VPS13B: variants seen among roughly 807,000 people sequenced by gnomAD.
The protein encoded by VPS13B is intermembrane lipid transfer protein VPS13B.
A neutral mutation model predicts 426.4 loss-of-function variants in VPS13B; 285 were observed. The observed-to-expected ratio is 0.67, with a 90% CI of 0.61 to 0.74. The LOEUF is 0.74. Among genes scored for constraint, VPS13B ranks in the 30% least tolerant of loss-of-function variants. The probability of loss-of-function intolerance (pLI) is 0.00; values close to 1 mark genes in which losing one functional copy is unlikely to be tolerated. For synonymous variants in VPS13B, 1,676 were observed against 1,676.4 expected, an observed-to-expected ratio of 1.00 and a Z score of 0.01; for missense variants, 4,537 against 4,782.6, an observed-to-expected ratio of 0.95 and a Z score of 1.51.
At chr8:99,255,390 C>CT (rs1332488485) in intron 17 of VPS13B, among the ~76,000 whole-genome samples, 1 of 152,090 alleles carries the variant, frequency 6.6e-6, no homozygotes, top group Admixed American at 6.5e-5. Flanking sequence ...CATCTATTAT[C>CT]TTTTTTCATT....
intron 3 of VPS13B, among the ~76,000 whole-genome samples, chr8:99,074,438 G>T (rs1845009505): frequency 6.6e-6 from 1 of 150,874 alleles, no homozygotes; most frequent in Admixed American, 6.6e-5. Context: ...AAACCGGGAG[G>T]CAGAGCTTGC....
intron 39 of VPS13B, among the ~76,000 whole-genome samples, chr8:99,738,546 C>T (rs978238008): frequency 5.9e-5 from 9 of 152,156 alleles, no homozygotes; most frequent in Non-Finnish European, 1.2e-4. Flanking sequence ...TTTTAGTAAT[C>T]GTGTATTCAG....
intron 21 of VPS13B, among the ~76,000 whole-genome samples, chr8:99,418,770 T>A (rs1816215957): frequency 1.3e-5 from 2 of 152,136 alleles, no homozygotes; most frequent in African/African-American, 4.8e-5. Context: ...TGACGAAATG[T>A]GATAGTGTGT....
At chr8:99,391,353 C>CTG (rs111372608) in intron 20 of VPS13B, among the ~76,000 whole-genome samples, 213 of 141,252 alleles carry the variant, frequency 1.5e-3, no homozygotes, top group African/African-American at 5.1e-3. Flanking sequence ...GTGTCTGTGT[C>CTG]TGTGTGTGTG....
intron 3 of VPS13B, among the ~76,000 whole-genome samples, chr8:99,046,139 A>C (rs780676725): frequency 6.6e-6 from 1 of 152,124 alleles, no homozygotes; most frequent in Non-Finnish European, 1.5e-5. Flanking sequence ...TTTTGGCAGT[A>C]TGGTCATTTT....
At chr8:99,467,378 G>C (rs1375856931) in intron 23 of VPS13B, 36 bp from the exon 24 acceptor site, 1 of 1,582,390 alleles carries the variant, frequency 6.3e-7, no homozygotes, top group Non-Finnish European at 8.7e-7. Flanking sequence ...CTTTTTGTTT[G>C]TGTGCTTCCC....
chr8:99,829,945 A>G (rs1814949966), intron 51 of VPS13B, among the ~76,000 whole-genome samples: 1 of 152,088 alleles, frequency 6.6e-6, no homozygotes, highest in South Asian at 2.1e-4. Flanking sequence ...AACAGCAAAG[A>G]TTGCTGCCTG....
intron 33 of VPS13B, among the ~76,000 whole-genome samples, chr8:99,590,342 C>A (rs559461431): frequency 6.6e-6 from 1 of 152,190 alleles, no homozygotes; most frequent in Non-Finnish European, 1.5e-5. Flanking sequence ...TCTTTCAGTT[C>A]TGCTCTGATC....
At chr8:99,405,632 A>T (rs929876682) in intron 21 of VPS13B, among the ~76,000 whole-genome samples, 2 of 152,056 alleles carry the variant, frequency 1.3e-5, no homozygotes, top group African/African-American at 4.8e-5. Context: ...GTTGCTTCCT[A>T]TTGCACTTAA....
At chr8:99,076,247 A>T (rs1845115052) in intron 3 of VPS13B, among the ~76,000 whole-genome samples, 1 of 152,142 alleles carries the variant, frequency 6.6e-6, no homozygotes, top group Non-Finnish European at 1.5e-5. Flanking sequence ...ATTTTTAAAA[A>T]TTTGCTGAGA....
chr8:99,290,204 AATG>A (rs1484419331), intron 19 of VPS13B, among the ~76,000 whole-genome samples: 2 of 152,208 alleles, frequency 1.3e-5, no homozygotes, highest in East Asian at 3.9e-4. Flanking sequence ...AGACATTTAA[AATG>A]TAGTTTATTG....
intron 31 of VPS13B, among the ~76,000 whole-genome samples, chr8:99,560,781 T>C (rs1319862541): frequency 6.6e-6 from 1 of 152,232 alleles, no homozygotes; most frequent in African/African-American, 2.4e-5. Context: ...TATCACATGA[T>C]AGCATCCAGC....
At chr8:99,507,328 T>C in intron 28 of VPS13B, 125 bp downstream of exon 28, 1 of 1,005,802 alleles carries the variant, frequency 9.9e-7, no homozygotes, top group Non-Finnish European at 1.5e-6. Context: ...TTAGCCTGTT[T>C]CTTCAAAATT....
At chr8:99,432,617 C>A (rs562473572) in intron 22 of VPS13B, among the ~76,000 whole-genome samples, 1 of 152,016 alleles carries the variant, frequency 6.6e-6, no homozygotes, top group Non-Finnish European at 1.5e-5. Context: ...TTACGGAGAA[C>A]GTTTTATTTT....
intron 17 of VPS13B, among the ~76,000 whole-genome samples, chr8:99,247,948 G>C (rs1817310152): frequency 6.6e-6 from 1 of 152,002 alleles, no homozygotes; most frequent in South Asian, 2.1e-4. Context: ...ATTCCACAAG[G>C]GAGGAAAACG....
intron 39 of VPS13B, among the ~76,000 whole-genome samples, chr8:99,723,925 T>G (rs1407039641): frequency 1.3e-5 from 2 of 152,186 alleles, no homozygotes; most frequent in East Asian, 3.9e-4. Flanking sequence ...AATCTACAAC[T>G]TGGATCGAGG....
At chr8:99,747,020 A>G (rs145279958) in intron 39 of VPS13B, among the ~76,000 whole-genome samples, 5 of 152,260 alleles carry the variant, frequency 3.3e-5, no homozygotes, top group African/African-American at 9.6e-5. Context: ...AGCATTTTCT[A>G]TAAGTCTTTA....
intron 23 of VPS13B, among the ~76,000 whole-genome samples, chr8:99,446,069 A>G (rs1168824149): frequency 6.6e-6 from 1 of 152,204 alleles, no homozygotes; most frequent in Non-Finnish European, 1.5e-5. Flanking sequence ...GCATTTGGCC[A>G]TGAGCCACAT....
intron 33 of VPS13B, among the ~76,000 whole-genome samples, chr8:99,583,188 C>T (rs1471968406): frequency 6.6e-6 from 1 of 152,162 alleles, no homozygotes; most frequent in East Asian, 1.9e-4. Context: ...AGACCTGCGG[C>T]ACACTTGGCA....
Sources: allele counts gnomAD v4.1 joint callset (sites outside exome capture counted in the v4.1 genomes callset), GRCh38; gene constraint gnomAD v4.1.1; transcripts MANE v1.5; gene names NCBI Gene and HGNC (gene_info 2026-07-23, HGNC 2026-07-21).